RASGRP3: variants seen among roughly 807,000 people sequenced by gnomAD.
The protein encoded by RASGRP3 is ras guanyl-releasing protein 3.
In RASGRP3, 54 loss-of-function variants were observed where a neutral mutation model predicts 82.7. The observed-to-expected ratio is 0.65, with a 90% CI of 0.52 to 0.82. The LOEUF (loss-of-function observed/expected upper bound fraction) is 0.82, where lower values mean the gene tolerates loss of function less well. Among genes scored for constraint, RASGRP3 ranks in the 40% least tolerant of loss-of-function variants. The pLI, the probability that RASGRP3 is intolerant of heterozygous loss-of-function variation, is 0.00. For missense variants in RASGRP3, 861 were observed against 828.9 expected (o/e 1.04, Z -0.48); for synonymous variants, 309 against 300.5 (o/e 1.03, Z -0.29).
At chr2:33,442,887 T>G (rs1015267142) in intron 1 of RASGRP3, among the ~76,000 whole-genome samples, 1 of 152,124 alleles carries the variant, frequency 6.6e-6, no homozygotes, top group African/African-American at 2.4e-5. Context: ...ACTATTGTTT[T>G]TTTTTTTTTT....
chr2:33,540,556 TTGTGTGTG>T lies in RASGRP3; in HGVS notation c.1278+1388_1278+1395del, dbSNP rs377215232. Among the ~76,000 whole-genome samples the T allele has an allele frequency of 3.3e-3, 126 of 38,642 alleles. 4 individuals are homozygous for T. In the Middle Eastern group the frequency reaches 0.05, roughly 15 times the overall value. 25.4% of individuals were successfully genotyped at this position (38,642 alleles called of 152,430 possible). A position where few individuals can be genotyped will look rare whatever the true frequency, so the allele number is the denominator to read the frequency against. ...CTCTCTCTCTCTCTGTGTGTGTGTT[TTGTGTGTG>T]TGTGTGTGTGTGTGTGTGTGTGTGT... On this transcript the variant is annotated intron_variant, in intron 12 of 17. Transcript: ENST00000403687.
chr2:33,540,556 T>TGTGTG (rs1558506275), intron 12 of RASGRP3, among the ~76,000 whole-genome samples: 1,231 of 38,622 alleles, frequency 0.032, 134 homozygotes, highest in Non-Finnish European at 0.04. Context: ...TGTGTGTGTT[T>TGTGTG]TGTGTGTGTG....
At chr2:33,451,812 C>T (rs1215657651) in intron 2 of RASGRP3, among the ~76,000 whole-genome samples, 3 of 152,036 alleles carry the variant, frequency 2.0e-5, no homozygotes, top group Admixed American at 2.0e-4. Context: ...AAGCATTCTG[C>T]TCTTTTTTCT....
intron 2 of RASGRP3, among the ~76,000 whole-genome samples, chr2:33,448,192 T>C (rs1487319207): frequency 6.6e-6 from 1 of 152,264 alleles, no homozygotes; most frequent in African/African-American, 2.4e-5. Flanking sequence ...TACTTTCTTA[T>C]ATATTTAATC....
chr2:33,492,586 T>G (rs994773504), intron 1 of RASGRP3, among the ~76,000 whole-genome samples: 3 of 152,206 alleles, frequency 2.0e-5, no homozygotes, highest in Non-Finnish European at 4.4e-5. Flanking sequence ...CTGATAGGGC[T>G]GGTGTCCTTA....
Position 33,540,615 on chromosome 2 carries a change from T to TTCTCTC in RASGRP3, c.1278+1425_1278+1430dup, listed in dbSNP as rs72384480. ...GTGTGTGTGTGTGTGTCTGGGGAATTTCTCTCTCTCTCTCTCTCTCTCTCT... is the reference window on the plus strand; with the variant it reads ...GTGTGTGTGTGTGTGTCTGGGGAATTTCTCTCTCTCTCTCTCTCTCTCTCTCTCTCT... On this transcript the variant is annotated intron_variant, in intron 12 of 17. Coordinates refer to ENST00000403687, the MANE Select transcript of RASGRP3 (RefSeq NM_001139488.2). Among the ~76,000 whole-genome samples, 195 of 121,820 alleles carry TTCTCTC rather than the reference T, an allele frequency of 1.6e-3. 6 individuals are homozygous for TTCTCTC. The highest frequency in any genetic ancestry group is 5.3e-3 in the African/African-American group (180 of 34,070). The allele number at this position is 121,820 out of a possible 152,430, so 79.9% of individuals were successfully genotyped here.
chr2:33,561,343 A>C (rs992625391), intron 17 of RASGRP3, among the ~76,000 whole-genome samples: 4 of 152,222 alleles, frequency 2.6e-5, no homozygotes, highest in African/African-American at 9.6e-5. Context: ...CTAGGATTAC[A>C]GACGTAAGCC....
chr2:33,452,224 C>T lies in RASGRP3; in HGVS notation c.-261+4281C>T, dbSNP rs540376759. Reference sequence around the variant, plus strand: ...ATTCTCTGACAGGCAGTTCATAGATCTCCATTTATTTAGGGTCAGTTACTT... The same window carrying T: ...ATTCTCTGACAGGCAGTTCATAGATTTCCATTTATTTAGGGTCAGTTACTT... On this transcript the variant is annotated intron_variant, in intron 2 of 18. Coordinates refer to the RASGRP3 transcript ENST00000402538. Among the ~76,000 whole-genome samples, 10 of 152,286 alleles carry T rather than the reference C, an allele frequency of 6.6e-5. No homozygotes were observed. In the East Asian group the frequency reaches 1.9e-3, roughly 29 times the overall value.
chr2:33,558,573 A>G (rs2151117035), intron 16 of RASGRP3, 99 bp from the exon 17 acceptor site: 2 of 1,190,246 alleles, frequency 1.7e-6, no homozygotes, highest in African/African-American at 1.5e-5. Flanking sequence ...CGGTTCCTCT[A>G]GAATGTTGCA....
intron 2 of RASGRP3, chr2:33,458,022 T>C (rs1334974103): frequency 6.6e-6 from 1 of 152,264 alleles, no homozygotes; most frequent in East Asian, 1.9e-4. Context: ...AGCAGGTGAC[T>C]TTTGCGCACC....
At chr2:33,500,230 T>C (rs1669738087) in intron 1 of RASGRP3, among the ~76,000 whole-genome samples, 1 of 152,126 alleles carries the variant, frequency 6.6e-6, no homozygotes, top group South Asian at 2.1e-4. Flanking sequence ...GCAGGCTTTG[T>C]ATGCCATGGA....
rs1316921636 is a variant in RASGRP3 at position 33,520,010 on chromosome 2, A to G, written c.232A>G (p.Met78Val). 3.1e-6 allele frequency: 5 copies of G among 1,599,418 alleles called. No homozygotes were observed. The highest frequency in any genetic ancestry group is 4.3e-6 in the Non-Finnish European group (5 of 1,170,824). Residue 78 changes from methionine (M) to valine (V), a missense_variant, in exon 5 of 18, where the codon ATG (methionine) becomes GTG (valine). Physicochemically the swap from Met to Val is conservative, Grantham distance 21. Coordinates refer to ENST00000403687, the MANE Select transcript of RASGRP3 (RefSeq NM_001139488.2). ...NEFRLKICYF[M>V]RYWILKFPAE... ...ATTTCGATTAAAGATCTGCTACTTC[A>G]TGAGGTAAATATATTTACAAATTTA...
intron 1 of RASGRP3, among the ~76,000 whole-genome samples, chr2:33,445,821 A>G (rs1665469137): frequency 6.6e-6 from 1 of 152,212 alleles, no homozygotes; most frequent in South Asian, 2.1e-4. Context: ...ATTCAAAGCA[A>G]CAAACACTAG....
chr2:33,494,264 C>G (rs1246265800), intron 1 of RASGRP3, among the ~76,000 whole-genome samples: 1 of 152,218 alleles, frequency 6.6e-6, no homozygotes, highest in Non-Finnish European at 1.5e-5. Flanking sequence ...ACTAAAAACA[C>G]TATCAGAAGA....
At chr2:33,523,207 T>C (rs1394985502) in intron 7 of RASGRP3, among the ~76,000 whole-genome samples, 1 of 152,142 alleles carries the variant, frequency 6.6e-6, no homozygotes, top group Non-Finnish European at 1.5e-5. Flanking sequence ...GGCGCGCCTT[T>C]AATCCCAGCA....
At chr2:33,497,213 A>C (rs1011498275) in intron 1 of RASGRP3, among the ~76,000 whole-genome samples, 11 of 152,318 alleles carry the variant, frequency 7.2e-5, no homozygotes, top group African/African-American at 2.4e-4. Flanking sequence ...TTAATAGTTA[A>C]AGGGTGCTAA....
intron 15 of RASGRP3, 144 bp downstream of exon 15, chr2:33,555,711 TGAG>T: frequency 1.4e-6 from 1 of 703,140 alleles, no homozygotes; most frequent in East Asian, 2.9e-5. Context: ...TGATTGCCTC[TGAG>T]GAGGAGTTTC....
intron 1 of RASGRP3, among the ~76,000 whole-genome samples, chr2:33,437,876 A>T (rs961191515): frequency 6.6e-6 from 1 of 152,230 alleles, no homozygotes; most frequent in African/African-American, 2.4e-5. Context: ...AATATGATAG[A>T]TCTGAAGAAA....
intron 7 of RASGRP3, among the ~76,000 whole-genome samples, chr2:33,523,466 A>G (rs1340029190): frequency 6.6e-6 from 1 of 151,340 alleles, no homozygotes; most frequent in Non-Finnish European, 1.5e-5. Context: ...TCGGTTAAAA[A>G]AAAAAAAAAA....
Sources: gnomAD v4.1 joint callset for allele counts (sites outside exome capture counted in the v4.1 genomes callset) on GRCh38, gnomAD v4.1.1 for gene constraint, MANE v1.5 for transcripts, NCBI Gene and HGNC (gene_info 2026-07-23, HGNC 2026-07-21) for gene names.